Variants in TDRD1 observed in about 807,000 individuals in gnomAD.
TDRD1 encodes the protein tudor domain-containing protein 1.
A neutral mutation model predicts 140.6 loss-of-function variants in TDRD1; 37 were observed. That is an observed-to-expected ratio of 0.26 (90% CI 0.20 to 0.35). The LOEUF is 0.35. Ranked by LOEUF, TDRD1 falls within the 10% of genes least tolerant of loss-of-function variation. The pLI is 1.00. For missense variants in TDRD1, 1,243 were observed against 1,393.0 expected (o/e 0.89, Z 1.71); for synonymous variants, 506 against 475.7 (o/e 1.06, Z -0.83).
At chr10:114,200,098 C>T (rs1029911294) in intron 4 of TDRD1, among the ~76,000 whole-genome samples, 4 of 152,218 alleles carry the variant, frequency 2.6e-5, no homozygotes, top group Non-Finnish European at 4.4e-5. Flanking sequence ...TCCACATCCT[C>T]GTCCACATTT....
rs147114984 is a variant in TDRD1, at chr10:114,209,088, T to G, written c.1385-1493T>G. Among the ~76,000 whole-genome samples, 683 of 152,186 alleles carry G rather than the reference T, an allele frequency of 4.5e-3. 6 individuals are homozygous for G. Among genetic ancestry groups the G allele is most frequent in the African/African-American group, 0.016 (644 of 41,522 alleles). ...TGAGCCACACCTGGCCAGATATAAT[T>G]TTTAAAAGCTGGCACAGCTACTCAG... is the stretch of plus-strand genomic sequence containing the variant. On this transcript the variant is annotated intron_variant, in intron 11 of 25. Transcript: ENST00000251864.
chr10:114,175,896 G>A (rs1286347714), upstream of TDRD1, among the ~76,000 whole-genome samples: 1 of 152,028 alleles, frequency 6.6e-6, no homozygotes, highest in East Asian at 1.9e-4. Context: ...TACAATCTGA[G>A]AACTGATAAA....
intron 16 of TDRD1, among the ~76,000 whole-genome samples, chr10:114,215,330 T>C (rs1483358795): frequency 6.6e-6 from 1 of 152,222 alleles, no homozygotes; most frequent in African/African-American, 2.4e-5. Flanking sequence ...CTGTTTTGCT[T>C]GGGCTGTAAA....
intron 15 of TDRD1, 105 bp downstream of exon 15, chr10:114,213,693 A>G (rs940344046): frequency 4.8e-6 from 5 of 1,034,780 alleles, no homozygotes; most frequent in South Asian, 1.7e-5. Flanking sequence ...AATGCCTTTC[A>G]TCTTTTTAAA....
intron 14 of TDRD1, 73 bp downstream of exon 14, chr10:114,212,109 T>C: frequency 7.2e-7 from 1 of 1,391,382 alleles, no homozygotes; most frequent in South Asian, 1.4e-5. Flanking sequence ...ATACACGAAA[T>C]AGGGAAAAGC....
At chr10:114,193,248 G>GT (rs1475297166) in intron 3 of TDRD1, among the ~76,000 whole-genome samples, 1 of 140,364 alleles carries the variant, frequency 7.1e-6, no homozygotes, top group East Asian at 2.1e-4. Flanking sequence ...AATATGATTG[G>GT]TTTTTGTATG....
At chr10:114,195,892 T>A (rs2120352507) in intron 3 of TDRD1, among the ~76,000 whole-genome samples, 1 of 152,334 alleles carries the variant, frequency 6.6e-6, no homozygotes, top group Non-Finnish European at 1.5e-5. Context: ...TGTTTTCAAG[T>A]GTGTATCTTT....
At chr10:114,222,168 G>A (rs1028476823) in intron 20 of TDRD1, among the ~76,000 whole-genome samples, 5 of 152,162 alleles carry the variant, frequency 3.3e-5, no homozygotes, top group Non-Finnish European at 5.9e-5. Context: ...GTACTAAAAA[G>A]CAGGAGCTTA....
intron 3 of TDRD1, among the ~76,000 whole-genome samples, chr10:114,194,224 G>T (rs1354413936): frequency 6.6e-6 from 1 of 152,130 alleles, no homozygotes; most frequent in African/African-American, 2.4e-5. Flanking sequence ...AAATTGAGAA[G>T]TGTCCCCTCT....
At chr10:114,194,378 A>G (rs11592987) in intron 3 of TDRD1, among the ~76,000 whole-genome samples, 11,957 of 152,174 alleles carry the variant, frequency 0.079, 625 homozygotes, top group Middle Eastern at 0.15. Flanking sequence ...CTTAATATTT[A>G]TAATTAAGGT....
At chr10:114,192,626 G>C (rs1389516447) in intron 3 of TDRD1, among the ~76,000 whole-genome samples, 2 of 151,950 alleles carry the variant, frequency 1.3e-5, no homozygotes, top group Non-Finnish European at 2.9e-5. Flanking sequence ...TTTAAGTTTT[G>C]ATCCATTTTC....
At chr10:114,198,035 G>A (rs1023485867) in intron 3 of TDRD1, among the ~76,000 whole-genome samples, 1 of 152,068 alleles carries the variant, frequency 6.6e-6, no homozygotes. Context: ...CCGCCAGGTC[G>A]GGGGGTATAT....
chr10:114,201,278 G>A (rs1589679169), intron 4 of TDRD1, 132 bp from the exon 5 acceptor site: 1 of 686,162 alleles, frequency 1.5e-6, no homozygotes, highest in Non-Finnish European at 2.5e-6. Context: ...GAGTTTAAAA[G>A]TATAATCTGA....
intron 13 of TDRD1, 70 bp downstream of exon 13, chr10:114,211,037 C>A: frequency 1.6e-6 from 2 of 1,240,782 alleles, no homozygotes; most frequent in Non-Finnish European, 1.1e-6. Flanking sequence ...TGAGTAAAAA[C>A]CATTGAAACA....
chr10:114,208,205 C>T (rs1313619855), intron 11 of TDRD1, among the ~76,000 whole-genome samples: 2 of 152,030 alleles, frequency 1.3e-5, no homozygotes, highest in East Asian at 1.9e-4. Context: ...TAAGCTAGAG[C>T]GGATCATTAA....
chr10:114,231,272 T>C (rs1393742634), intron 25 of TDRD1, among the ~76,000 whole-genome samples: 2 of 152,198 alleles, frequency 1.3e-5, no homozygotes, highest in East Asian at 1.9e-4. Flanking sequence ...AACAACTATA[T>C]GTTATATTTG....
exon 8 of TDRD1, chr10:114,203,465 C>G: frequency 6.2e-7 from 1 of 1,613,936 alleles, no homozygotes; most frequent in Non-Finnish European, 8.5e-7. Context: ...AATACATGAA[C>G]CAACTCTCTG....
At chr10:114,199,124 G>T in intron 3 of TDRD1, 49 bp from the exon 4 acceptor site, 1 of 1,576,164 alleles carries the variant, frequency 6.3e-7, no homozygotes, top group South Asian at 1.2e-5. Context: ...GTATTTAAAT[G>T]GAAAAGTTAT....
rs188282633 is a variant in TDRD1, at chr10:114,216,309, A to G, written c.2213-1236A>G. Reference sequence around the variant, plus strand: ...AGTCTCTATTCTTTTTCATGGCTACATGGTATTCCACTGTGTGGGTTTATC... The same window carrying G: ...AGTCTCTATTCTTTTTCATGGCTACGTGGTATTCCACTGTGTGGGTTTATC... On this transcript the variant is annotated intron_variant, in intron 16 of 25. Coordinates refer to ENST00000251864, the Ensembl canonical transcript of TDRD1. Among the ~76,000 whole-genome samples, 27 of 152,282 alleles carry G rather than the reference A, an allele frequency of 1.8e-4. No individual in the cohort carries two copies. The East Asian group carries it at 5.0e-3, about 28-fold the overall frequency.
Sources: allele counts gnomAD v4.1 joint callset (sites outside exome capture counted in the v4.1 genomes callset), GRCh38; gene constraint gnomAD v4.1.1; transcripts MANE v1.5; gene names NCBI Gene and HGNC (gene_info 2026-07-23, HGNC 2026-07-21).